KCNN2: variants seen among roughly 807,000 people sequenced by gnomAD.
KCNN2 encodes the protein small conductance calcium-activated potassium channel protein 2.
A neutral mutation model predicts 55.5 loss-of-function variants in KCNN2; 24 were observed. The observed-to-expected ratio is 0.43, with a 90% CI of 0.31 to 0.61. The LOEUF (loss-of-function observed/expected upper bound fraction) is 0.61, where lower values mean the gene tolerates loss of function less well. Ranked by LOEUF, KCNN2 falls within the 20% of genes least tolerant of loss-of-function variation. The pLI is 0.08. For missense variants in KCNN2, 754 were observed against 853.6 expected (o/e 0.88, Z 1.45); for synonymous variants, 431 against 336.1 (o/e 1.28, Z -3.09).
intron 2 of KCNN2, among the ~76,000 whole-genome samples, chr5:114,333,174 C>T (rs1018186101): frequency 1.3e-5 from 2 of 151,918 alleles, no homozygotes; most frequent in Admixed American, 6.6e-5. Context: ...AACTGAGTAA[C>T]GAAAAAGGAA....
chr5:114,426,284 C>G (rs1312017801), intron 3 of KCNN2, among the ~76,000 whole-genome samples: 1 of 152,194 alleles, frequency 6.6e-6, no homozygotes, highest in East Asian at 1.9e-4. Flanking sequence ...TTGTGTCTAT[C>G]AAGATGCTTA....
At chr5:114,331,009 AC>A (rs1756811158) in intron 2 of KCNN2, among the ~76,000 whole-genome samples, 1 of 152,104 alleles carries the variant, frequency 6.6e-6, no homozygotes, top group Admixed American at 6.6e-5. Flanking sequence ...CTGTGAATGA[AC>A]TCCTTGCTAC....
chr5:114,485,051 G>A (rs1384978703), intron 5 of KCNN2, among the ~76,000 whole-genome samples: 1 of 152,096 alleles, frequency 6.6e-6, no homozygotes, highest in African/African-American at 2.4e-5. Context: ...AAATGCATCG[G>A]TCACCTTTTT....
At chr5:114,363,408 C>G (rs1294398474) in intron 1 of KCNN2, 147 bp downstream of exon 1, 1 of 1,038,138 alleles carries the variant, frequency 9.6e-7, no homozygotes, top group East Asian at 2.6e-5. Context: ...GTCTAGGACG[C>G]GCATCCGTAG....
At chr5:114,149,485 T>A (rs1752471376) in intron 1 of KCNN2, among the ~76,000 whole-genome samples, 1 of 152,156 alleles carries the variant, frequency 6.6e-6, no homozygotes. Context: ...CACTGCCTTC[T>A]GGTCCCGTGA....
intron 3 of KCNN2, among the ~76,000 whole-genome samples, chr5:114,410,780 T>A (rs920006946): frequency 6.6e-6 from 1 of 152,110 alleles, no homozygotes; most frequent in African/African-American, 2.4e-5. Flanking sequence ...CCAGGTAATG[T>A]TTGGAATGGA....
chr5:114,291,170 A>C lies in KCNN2; in HGVS notation c.-185+69605A>C, dbSNP rs543101049. ...ATATTTTAAAATGTGTAATATAGTA[A>C]TATATGAGCTTTTTTATTTTATTTT... On this transcript the variant is annotated intron_variant, in intron 2 of 10. Coordinates refer to the KCNN2 transcript ENST00000512097. 6.7e-5 allele frequency among the ~76,000 whole-genome samples: 10 copies of C among 149,586 alleles called. No individual in the cohort carries two copies. The South Asian group carries it at 2.1e-3, about 32-fold the overall frequency.
At chr5:114,079,565 T>C (rs868041317) in intron 1 of KCNN2, among the ~76,000 whole-genome samples, 1 of 152,178 alleles carries the variant, frequency 6.6e-6, no homozygotes, top group South Asian at 2.1e-4. Context: ...AGGATAGATA[T>C]AATAATGCCT....
At chr5:114,319,224 G>T (rs2150028767) in intron 2 of KCNN2, among the ~76,000 whole-genome samples, 1 of 152,238 alleles carries the variant, frequency 6.6e-6, no homozygotes, top group South Asian at 2.1e-4. Context: ...CCCACCACTG[G>T]TCTTATCTGC....
chr5:114,411,452 G>T (rs1759131214), intron 3 of KCNN2, among the ~76,000 whole-genome samples: 3 of 152,096 alleles, frequency 2.0e-5, no homozygotes, highest in African/African-American at 7.2e-5. Context: ...GACAGGGTAT[G>T]CTGGTATATG....
chr5:114,218,042 C>G (rs1276888318), intron 1 of KCNN2, among the ~76,000 whole-genome samples: 1 of 152,160 alleles, frequency 6.6e-6, no homozygotes, highest in African/African-American at 2.4e-5. Flanking sequence ...GCAACAATGA[C>G]ATACCACTAC....
At chr5:114,062,382 C>T (rs1750351439) in intron 1 of KCNN2, among the ~76,000 whole-genome samples, 1 of 152,196 alleles carries the variant, frequency 6.6e-6, no homozygotes, top group African/African-American at 2.4e-5. Flanking sequence ...ACCCTACCTC[C>T]ACAGACCTGT....
intron 2 of KCNN2, among the ~76,000 whole-genome samples, chr5:114,274,394 G>T (rs1381414485): frequency 2.0e-5 from 3 of 152,068 alleles, no homozygotes; most frequent in African/African-American, 4.8e-5. Flanking sequence ...TAGCTTGATG[G>T]GGATAGCATT....
At chr5:114,362,007 T>G (rs1315387431), upstream of KCNN2, 1 of 153,314 alleles carries the variant, frequency 6.5e-6, no homozygotes, top group African/African-American at 2.4e-5. Context: ...CCAATCGGAC[T>G]CGCCGCCTGG....
chr5:114,271,299 T>C (rs180789066), intron 2 of KCNN2, among the ~76,000 whole-genome samples: 1 of 152,220 alleles, frequency 6.6e-6, no homozygotes, highest in East Asian at 1.9e-4. Flanking sequence ...CACAGAGTGC[T>C]GATTGGTGCA....
At chr5:114,128,724 G>T (rs538081901) in intron 1 of KCNN2, among the ~76,000 whole-genome samples, 45 of 152,114 alleles carry the variant, frequency 3.0e-4, no homozygotes, top group African/African-American at 1.0e-3. Flanking sequence ...CACTAAATTA[G>T]TCTGGATTCC....
chr5:114,132,264 G>A (rs1344360485), intron 1 of KCNN2, among the ~76,000 whole-genome samples: 1 of 152,118 alleles, frequency 6.6e-6, no homozygotes, highest in East Asian at 1.9e-4. Flanking sequence ...ATGGTTTTGG[G>A]TTTTACATTT....
intron 1 of KCNN2, among the ~76,000 whole-genome samples, chr5:114,069,957 G>A (rs187202627): frequency 1.1e-4 from 16 of 152,306 alleles, no homozygotes; most frequent in Non-Finnish European, 1.8e-4. Flanking sequence ...ATTATTGAAG[G>A]TATAATATAT....
intron 2 of KCNN2, among the ~76,000 whole-genome samples, chr5:114,288,486 T>TTATATA (rs372065101): frequency 1.6e-4 from 23 of 141,214 alleles, no homozygotes; most frequent in African/African-American, 6.1e-4. Flanking sequence ...TGCCATTACT[T>TTATATA]TATATATATA....
Sources: allele counts gnomAD v4.1 joint callset (sites outside exome capture counted in the v4.1 genomes callset), GRCh38; gene constraint gnomAD v4.1.1; transcripts MANE v1.5; gene names NCBI Gene and HGNC (gene_info 2026-07-23, HGNC 2026-07-21).